The following BPIFC variants were observed in gnomAD, a reference collection of about 807,000 sequenced individuals.
BPIFC encodes the protein BPI fold-containing family C protein.
In BPIFC, 60 loss-of-function variants were observed where a neutral mutation model predicts 57.6. The ratio of observed to expected loss-of-function variants is 1.04; its 90% CI spans 0.85 to 1.29. The LOEUF is 1.29. Among genes scored for constraint, BPIFC ranks in the 50% most tolerant of loss-of-function variants. BPIFC has a pLI of 0.00. For synonymous variants in BPIFC, 243 were observed against 224.5 expected (o/e 1.08, Z -0.74); for missense variants, 581 against 600.5 (o/e 0.97, Z 0.34).
At position 32,443,227 on chromosome 22, in the gene BPIFC, G is replaced by A. The variant is rs188111745; in HGVS notation, c.595-496C>T. On this transcript the variant is annotated intron_variant, in intron 7 of 16. Coordinates refer to ENST00000300399, the MANE Select transcript of BPIFC (RefSeq NM_174932.3). ...CACCCAGGCTGGAGTGCAGTGGCGC[G>A]ATCTCGGCTCACTGCAAGCTCCGCC... is the stretch of plus-strand genomic sequence containing the variant. Among the ~76,000 whole-genome samples, 67 of 150,952 alleles carry A rather than the reference G, an allele frequency of 4.4e-4. 1 individual carries two copies. The highest frequency in any genetic ancestry group is 2.0e-3 in the East Asian group (10 of 5,090).
intron 7 of BPIFC, 56 bp downstream of exon 7, chr22:32,445,579 G>A: frequency 1.4e-6 from 2 of 1,431,324 alleles, no homozygotes; most frequent in South Asian, 2.4e-5. Context: ...ATTAAAGGAT[G>A]ATAGAACTTC....
chr22:32,414,255 G>T lies in BPIFC; in HGVS notation c.*48C>A, dbSNP rs750589457. 27 of 1,603,518 alleles carry T rather than the reference G, an allele frequency of 1.7e-5. No individual in the cohort carries two copies. The African/African-American group carries it at 3.4e-4, about 20-fold the overall frequency. On this transcript the variant is annotated 3_prime_UTR_variant, in exon 17 of 17. Coordinates refer to ENST00000300399, the MANE Select transcript of BPIFC (RefSeq NM_174932.3). ...TTTCCCTTCTGGGTTTACAGTAGTTGTAGGATTAAGGACCATTTACTTCCT... is the reference window on the plus strand; with the variant it reads ...TTTCCCTTCTGGGTTTACAGTAGTTTTAGGATTAAGGACCATTTACTTCCT...
chr22:32,461,938 C>T (rs1176132420), intron 1 of BPIFC, among the ~76,000 whole-genome samples: 1 of 151,716 alleles, frequency 6.6e-6, no homozygotes, highest in African/African-American at 2.4e-5. Flanking sequence ...CCTTGGAAGG[C>T]CAAGGTGGGC....
chr22:32,460,084 T>C (rs1466848990), intron 2 of BPIFC, among the ~76,000 whole-genome samples: 1 of 152,046 alleles, frequency 6.6e-6, no homozygotes, highest in African/African-American at 2.4e-5. Context: ...GAGGTGGGAA[T>C]GGGGCAATGT....
At chr22:32,458,037 T>C (rs1256244522) in intron 2 of BPIFC, among the ~76,000 whole-genome samples, 2 of 152,124 alleles carry the variant, frequency 1.3e-5, no homozygotes, top group African/African-American at 4.8e-5. Flanking sequence ...GTGAGCCTCT[T>C]AAAATGAAAG....
chr22:32,461,230 C>T (rs1442067980), intron 2 of BPIFC, among the ~76,000 whole-genome samples: 2 of 152,148 alleles, frequency 1.3e-5, no homozygotes, highest in Non-Finnish European at 2.9e-5. Flanking sequence ...ACTGATATGG[C>T]CTTATGAATC....
At chr22:32,432,119 T>A (rs1601457196) in intron 12 of BPIFC, among the ~76,000 whole-genome samples, 1 of 152,214 alleles carries the variant, frequency 6.6e-6, no homozygotes, top group East Asian at 1.9e-4. Flanking sequence ...AACAATTTTT[T>A]TTTTTTTGGA....
At position 32,424,429 on chromosome 22, in the gene BPIFC, G is replaced by A. The variant is rs145394117; in HGVS notation, c.1218-5025C>T. ...TTCTATTTCAGCACAACCAGTTCCA[G>A]TGTTTTCTCTTTCTTTTATCAATGC... On this transcript the variant is annotated intron_variant, in intron 13 of 16. Coordinates refer to ENST00000300399, the MANE Select transcript of BPIFC (RefSeq NM_174932.3). Among the ~76,000 whole-genome samples the A allele has an allele frequency of 1.4e-4, 22 of 152,130 alleles. No individual in the cohort carries two copies. In the East Asian group the frequency reaches 3.1e-3, roughly 21 times the overall value.
intron 13 of BPIFC, among the ~76,000 whole-genome samples, chr22:32,424,974 G>A (rs1934024229): frequency 6.6e-6 from 1 of 151,802 alleles, no homozygotes; most frequent in African/African-American, 2.4e-5. Flanking sequence ...TAGAGATGGA[G>A]TTTCACCATG....
chr22:32,432,478 T>G lies in BPIFC; in HGVS notation c.1044A>C (p.Ile348=). ...MVRIMATEPP[I]INLQPGNFTL... The stretch of plus-strand genomic sequence containing the variant: ...TGAAATTGCCTGGTTGTAGATTGAT[T>G]ATGGGAGGCTCTGTGGCCATGATCC... The change falls in exon 12 of 17, where the codon ATA becomes ATC. Residue 348 remains isoleucine, a synonymous_variant. Coordinates refer to ENST00000300399, the MANE Select transcript of BPIFC (RefSeq NM_174932.3). 3 of 1,614,102 alleles carry G rather than the reference T, an allele frequency of 1.9e-6. No homozygotes were observed. Among genetic ancestry groups the G allele is most frequent in the Non-Finnish European group, 2.5e-6 (3 of 1,180,008 alleles).
intron 11 of BPIFC, 73 bp downstream of exon 11, chr22:32,433,646 A>G (rs1231095613): frequency 7.4e-7 from 1 of 1,351,922 alleles, no homozygotes; most frequent in African/African-American, 1.4e-5. Context: ...GAATACGTAG[A>G]ACCCACAAGT....
At position 32,416,128 on chromosome 22, in the gene BPIFC, G is replaced by A. The variant is rs1261947612; in HGVS notation, c.1325-137C>T. ...GAGTTTTGCTCTTGTTGCCCAGGCT[G>A]GAATGTAATGGTGTGATCTTGGCTC... On this transcript the variant is annotated intron_variant, in intron 15 of 16. Transcript: ENST00000300399. 5.2e-5 allele frequency: 28 copies of A among 539,598 alleles called. No individual in the cohort carries two copies. The East Asian group carries it at 1.0e-3, about 20-fold the overall frequency. The allele number at this position is 539,598 out of a possible 1,614,324, so 33.4% of individuals were successfully genotyped here. A position where few individuals can be genotyped will look rare whatever the true frequency, so the allele number is the denominator to read the frequency against.
chr22:32,414,519 A>T, intron 16 of BPIFC, 94 bp from the exon 17 acceptor site: 1 of 1,445,856 alleles, frequency 6.9e-7, no homozygotes. Flanking sequence ...TTTTTTTATT[A>T]TTTTAATTTT....
At chr22:32,428,668 G>A (rs2031844439) in intron 13 of BPIFC, among the ~76,000 whole-genome samples, 2 of 152,114 alleles carry the variant, frequency 1.3e-5, no homozygotes. Flanking sequence ...GGAGGCCGAG[G>A]CCCCAGATCG....
chr22:32,437,472 C>A (rs895926781), intron 9 of BPIFC, among the ~76,000 whole-genome samples: 2 of 152,148 alleles, frequency 1.3e-5, no homozygotes, highest in African/African-American at 4.8e-5. Flanking sequence ...CTCACTGCAA[C>A]CTCTGCCTTC....
chr22:32,417,412 A>G (rs1486791532), intron 14 of BPIFC, among the ~76,000 whole-genome samples: 1 of 152,032 alleles, frequency 6.6e-6, no homozygotes, highest in Admixed American at 6.6e-5. Context: ...GGCTCAAGCA[A>G]ACCTCCAATC....
Position 32,442,702 on chromosome 22 carries a change from T to G in BPIFC, c.624A>C (p.Lys208Asn). ...MLCPIIASEV[K>N]ALNANLSTLE... ...GTGTGCTGAGGTTGGCATTTAGCGC[T>G]TTGACTTCACTTGCAATAATGGGAC... Residue 208 changes from lysine (K) to asparagine (N), a missense_variant, in exon 8 of 17, where the codon AAA (lysine) becomes AAC (asparagine). Coordinates refer to ENST00000300399, the MANE Select transcript of BPIFC (RefSeq NM_174932.3). The G allele has an allele frequency of 6.2e-7, 1 of 1,613,988 alleles. No individual in the cohort carries two copies. Among genetic ancestry groups the G allele is most frequent in the South Asian group, 1.1e-5 (1 of 91,030 alleles).
chr22:32,432,451 G>C lies in BPIFC; in HGVS notation c.1071C>G (p.Thr357=). Residue 357 remains threonine, a synonymous_variant, in exon 12 of 17, where the codon ACC becomes ACG. Coordinates refer to ENST00000300399, the MANE Select transcript of BPIFC (RefSeq NM_174932.3). ...PIINLQPGNF[T]LDIPASIMML... The stretch of plus-strand genomic sequence containing the variant: ...TCATGATGGAGGCAGGGATGTCCAG[G>C]GTGAAATTGCCTGGTTGTAGATTGA... 1 of 1,614,112 alleles carries C rather than the reference G, an allele frequency of 6.2e-7. No individual in the cohort carries two copies. The highest frequency in any genetic ancestry group is 1.1e-5 in the South Asian group (1 of 91,076).
At chr22:32,459,738 C>A (rs1490305363) in intron 2 of BPIFC, among the ~76,000 whole-genome samples, 1 of 151,624 alleles carries the variant, frequency 6.6e-6, no homozygotes, top group East Asian at 1.9e-4. Flanking sequence ...GTAATCCCAG[C>A]AACTTGGGAG....
Sources: gnomAD v4.1 joint callset for allele counts (sites outside exome capture counted in the v4.1 genomes callset) on GRCh38, gnomAD v4.1.1 for gene constraint, MANE v1.5 for transcripts, NCBI Gene and HGNC (gene_info 2026-07-23, HGNC 2026-07-21) for gene names.